Variants in VPS13B observed in about 807,000 individuals in gnomAD.
VPS13B encodes vacuolar protein sorting 13 homolog B.
VPS13B carries 285 observed loss-of-function variants against 426.4 expected under a neutral mutation model. That is an observed-to-expected ratio of 0.67 (90% CI 0.61 to 0.74). VPS13B has a LOEUF of 0.74. Among genes scored for constraint, VPS13B ranks in the 30% least tolerant of loss-of-function variants. The probability of loss-of-function intolerance (pLI) is 0.00; values close to 1 mark genes in which losing one functional copy is unlikely to be tolerated. For missense variants in VPS13B, 4,537 were observed against 4,782.6 expected, an observed-to-expected ratio of 0.95 and a Z score of 1.51; for synonymous variants, 1,676 against 1,676.4, an observed-to-expected ratio of 1.00 and a Z score of 0.01.
chr8:99,677,253 A>G (rs1304324129), intron 35 of VPS13B, among the ~76,000 whole-genome samples: 1 of 152,200 alleles, frequency 6.6e-6, no homozygotes, highest in African/African-American at 2.4e-5. Context: ...TACCTTAATC[A>G]TGAGAGTCCT....
At chr8:99,673,038 T>G (rs1430638608) in intron 35 of VPS13B, among the ~76,000 whole-genome samples, 1 of 152,102 alleles carries the variant, frequency 6.6e-6, no homozygotes, top group Non-Finnish European at 1.5e-5. Context: ...TACTACTATT[T>G]TGTTGAGGGT....
intron 17 of VPS13B, among the ~76,000 whole-genome samples, chr8:99,273,603 G>A (rs1193667047): frequency 1.3e-5 from 2 of 152,018 alleles, no homozygotes; most frequent in African/African-American, 4.8e-5. Context: ...TGGCCAACAT[G>A]CTGAAACCGC....
At chr8:99,081,470 A>G (rs1845451948) in intron 3 of VPS13B, among the ~76,000 whole-genome samples, 1 of 152,092 alleles carries the variant, frequency 6.6e-6, no homozygotes, top group Admixed American at 6.5e-5. Flanking sequence ...ACACGTGCAC[A>G]ACGTGCAGGT....
rs1361356353 is a variant in VPS13B, at chr8:99,511,448, T to C, written c.4569T>C (p.Tyr1523=). Reference sequence around the variant, plus strand: ...CATCCCGCAATTTACCTTTGATTTATGTCAACACAAGTGTAATCAGAATTT... The same window carrying C: ...CATCCCGCAATTTACCTTTGATTTACGTCAACACAAGTGTAATCAGAATTT... ...TLTSRNLPLI[Y]VNTSVIRIFI... is the part of the protein sequence containing the mutation. Residue 1523 remains tyrosine (Y), a synonymous_variant, in exon 29 of 62, where the codon TAT becomes TAC. Transcript: ENST00000357162. The C allele has an allele frequency of 2.5e-6, 4 of 1,613,586 alleles. No homozygotes were observed. The highest frequency in any genetic ancestry group is 3.4e-6 in the Non-Finnish European group (4 of 1,179,934).
chr8:99,350,342 C>T (rs1402849552), intron 19 of VPS13B, among the ~76,000 whole-genome samples: 1 of 152,144 alleles, frequency 6.6e-6, no homozygotes, highest in Non-Finnish European at 1.5e-5. Flanking sequence ...AGGGGCAATA[C>T]TGGTGTTAAC....
chr8:99,144,995 A>G (rs1810630600), intron 13 of VPS13B, among the ~76,000 whole-genome samples: 1 of 152,216 alleles, frequency 6.6e-6, no homozygotes, highest in Admixed American at 6.5e-5. Context: ...TGAATCATGC[A>G]TGTATTTGTG....
At chr8:99,691,695 T>A (rs575151737) in intron 35 of VPS13B, among the ~76,000 whole-genome samples, 39 of 148,444 alleles carry the variant, frequency 2.6e-4, no homozygotes, top group African/African-American at 9.8e-4. Flanking sequence ...CATAACAATA[T>A]TAACTTTAAA....
chr8:99,125,678 G>T lies in VPS13B; in HGVS notation c.1206+4233G>T, dbSNP rs183800531. On this transcript the variant is annotated intron_variant, in intron 8 of 61. Coordinates refer to ENST00000357162, the MANE Select transcript of VPS13B (RefSeq NM_152564.5). The stretch of plus-strand genomic sequence containing the variant: ...TAGGTTCAGAGTTTCTGCCTAGTAT[G>T]ATGTAAAAGCTCTGCAAAAATATAG... 7.9e-5 allele frequency among the ~76,000 whole-genome samples: 12 copies of T among 152,286 alleles called. No homozygotes were observed. In the East Asian group the frequency reaches 1.9e-3, roughly 24 times the overall value.
intron 58 of VPS13B, among the ~76,000 whole-genome samples, chr8:99,864,036 CCTTT>C (rs1308334103): frequency 1.3e-5 from 2 of 152,136 alleles, no homozygotes; most frequent in Admixed American, 6.5e-5. Flanking sequence ...TCAAGGACTT[CCTTT>C]GTTTCATGTA....
At chr8:99,201,946 G>A (rs912401522) in intron 17 of VPS13B, among the ~76,000 whole-genome samples, 5 of 152,116 alleles carry the variant, frequency 3.3e-5, no homozygotes, top group Non-Finnish European at 7.4e-5. Context: ...ATAAAATAAT[G>A]AAAATATGTT....
At chr8:99,663,667 A>G (rs1830332651) in intron 35 of VPS13B, among the ~76,000 whole-genome samples, 1 of 152,238 alleles carries the variant, frequency 6.6e-6, no homozygotes, top group Non-Finnish European at 1.5e-5. Flanking sequence ...TCACACATGA[A>G]AGACTGAACA....
chr8:99,612,848 A>G (rs542631240), intron 33 of VPS13B, among the ~76,000 whole-genome samples: 1 of 152,098 alleles, frequency 6.6e-6, no homozygotes, highest in Non-Finnish European at 1.5e-5. Context: ...AACTTTTTCC[A>G]CTTCCTACTC....
At chr8:99,060,347 C>A (rs1350255999) in intron 3 of VPS13B, among the ~76,000 whole-genome samples, 1 of 151,918 alleles carries the variant, frequency 6.6e-6, no homozygotes, top group Non-Finnish European at 1.5e-5. Context: ...GGTGGTTCAC[C>A]CATGTAATTC....
chr8:99,766,930 A>C lies in VPS13B; in HGVS notation c.7207A>C (p.Ile2403Leu), dbSNP rs765664729. 1 of 1,613,874 alleles carries C rather than the reference A, an allele frequency of 6.2e-7. No individual in the cohort carries two copies. The highest frequency in any genetic ancestry group is 2.2e-5 in the East Asian group (1 of 44,824). The change falls in exon 40 of 62, where the codon ATT becomes CTT. Residue 2403 changes from isoleucine to leucine, a missense_variant. Physicochemically the swap from Ile to Leu is conservative, Grantham distance 5. Around this residue, in one of 2 missense-constraint regions of VPS13B, gnomAD observed 4,311 missense variants for 4,474.3 expected, o/e 0.96. Coordinates refer to ENST00000357162, the MANE Select transcript of VPS13B (RefSeq NM_152564.5). Reference protein sequence around the residue: ...KKLVSSDLWRIVLNSSQNGAD... With the variant: ...KKLVSSDLWRLVLNSSQNGAD... ...ATTAGTATCTTCAGATCTTTGGAGAATTGTCTTGAACAGCAGTCAAAATGG... is the reference window on the plus strand; with the variant it reads ...ATTAGTATCTTCAGATCTTTGGAGACTTGTCTTGAACAGCAGTCAAAATGG...
At chr8:99,083,111 A>T (rs1191184933) in intron 3 of VPS13B, among the ~76,000 whole-genome samples, 1 of 152,114 alleles carries the variant, frequency 6.6e-6, no homozygotes, top group Non-Finnish European at 1.5e-5. Context: ...ATGTTCTTCC[A>T]TTTGTTTGTA....
At chr8:99,643,268 A>T (rs565591886) in intron 34 of VPS13B, among the ~76,000 whole-genome samples, 1 of 152,182 alleles carries the variant, frequency 6.6e-6, no homozygotes, top group Non-Finnish European at 1.5e-5. Flanking sequence ...CCTAAGATTC[A>T]GTATTCAAAG....
chr8:99,289,937 A>G (rs1819639890), intron 19 of VPS13B, among the ~76,000 whole-genome samples: 2 of 152,090 alleles, frequency 1.3e-5, no homozygotes, highest in South Asian at 4.1e-4. Context: ...AAAGGCAAAC[A>G]TTTTATTTGG....
chr8:99,572,234 C>T (rs1310616049), intron 31 of VPS13B, among the ~76,000 whole-genome samples: 1 of 152,160 alleles, frequency 6.6e-6, no homozygotes, highest in Non-Finnish European at 1.5e-5. Flanking sequence ...ACTTGAAGAT[C>T]TATACCAGCA....
rs572624628 is a variant in VPS13B, at chr8:99,090,261, C to T, written c.292-6051C>T. ...GCTATTTCTTTGTGACATGTATAAT[C>T]ATAAACTTTTTTTTTTTTTTTTTTC... is the stretch of plus-strand genomic sequence containing the variant. On this transcript the variant is annotated intron_variant, in intron 3 of 61. Coordinates refer to ENST00000357162, the MANE Select transcript of VPS13B (RefSeq NM_152564.5). 2.7e-5 allele frequency among the ~76,000 whole-genome samples: 4 copies of T among 150,076 alleles called. No homozygotes were observed. In the South Asian group the frequency reaches 8.4e-4, roughly 32 times the overall value.
Sources: allele counts gnomAD v4.1 joint callset (sites outside exome capture counted in the v4.1 genomes callset), GRCh38; gene constraint gnomAD v4.1.1; regional missense constraint gnomAD v4.1.1; transcripts MANE v1.5; gene names NCBI Gene and HGNC (gene_info 2026-07-23, HGNC 2026-07-21).